The following ADAMTS17 variants were observed in gnomAD, a reference collection of about 807,000 sequenced individuals.
The protein encoded by ADAMTS17 is A disintegrin and metalloproteinase with thrombospondin motifs 17.
A neutral mutation model predicts 141.5 loss-of-function variants in ADAMTS17; 113 were observed. The ratio of observed to expected loss-of-function variants is 0.80; its 90% CI spans 0.69 to 0.93. The LOEUF is 0.93. Ranked by LOEUF, ADAMTS17 falls within the 40% of genes least tolerant of loss-of-function variation. The pLI is 0.00. For missense variants in ADAMTS17, 1,659 were observed against 1,517.9 expected (o/e 1.09, Z -1.54); for synonymous variants, 768 against 630.6 (o/e 1.22, Z -3.27).
At chr15:100,296,578 G>GT (rs1555504048) in intron 3 of ADAMTS17, among the ~76,000 whole-genome samples, 1,537 of 127,656 alleles carry the variant, frequency 0.012, 18 homozygotes, top group African/African-American at 0.038. Flanking sequence ...GGGGTGAGGG[G>GT]GGGTGTGTGT....
At chr15:100,255,617 A>AACACACACACACACACACAAACACAC in intron 6 of ADAMTS17, among the ~76,000 whole-genome samples, 1 of 140,296 alleles carries the variant, frequency 7.1e-6, no homozygotes, top group East Asian at 2.2e-4. Context: ...TGTTTTGAGC[A>AACACACACACACACACACAAACACAC]ACACACACAC....
chr15:100,156,285 C>T (rs1020744476), intron 8 of ADAMTS17, among the ~76,000 whole-genome samples: 1 of 152,302 alleles, frequency 6.6e-6, no homozygotes, highest in Admixed American at 6.5e-5. Context: ...CGTCAGCAAC[C>T]CTGCTTGTTG....
chr15:100,225,009 C>G (rs910541140), intron 7 of ADAMTS17, among the ~76,000 whole-genome samples: 4 of 152,226 alleles, frequency 2.6e-5, no homozygotes, highest in Non-Finnish European at 5.9e-5. Flanking sequence ...GGCTGCCTTG[C>G]TCATCACTGC....
Position 100,054,044 on chromosome 15 carries a change from G to A in ADAMTS17, c.2148C>T (p.Asp716=), listed in dbSNP as rs2032356999. ...FSHARGTALK[D]SGKGSINSDW... ...CACTGTTGATGGACCCCTTACCCGA[G>A]TCTTTGAGAGCTAGAAAGCAAGTTG... is the stretch of plus-strand genomic sequence containing the variant. The change falls in exon 16 of 22, where the codon GAC becomes GAT. Residue 716 remains aspartate (D), a synonymous_variant. Transcript: ENST00000268070. The A allele has an allele frequency of 1.9e-6, 3 of 1,614,074 alleles. No homozygotes were observed. The highest frequency in any genetic ancestry group is 2.7e-5 in the African/African-American group (2 of 74,922).
chr15:100,064,036 A>G (rs1417920914), intron 15 of ADAMTS17, among the ~76,000 whole-genome samples: 1 of 152,222 alleles, frequency 6.6e-6, no homozygotes, highest in African/African-American at 2.4e-5. Context: ...CCAGAACATC[A>G]GCATGTGACC....
chr15:100,208,325 C>CA (rs1258406499), intron 7 of ADAMTS17, among the ~76,000 whole-genome samples: 12 of 152,278 alleles, frequency 7.9e-5, no homozygotes, highest in Admixed American at 2.0e-4. Flanking sequence ...TTGACTCATT[C>CA]AAAAATCACA....
chr15:100,133,727 G>A (rs1385778448), intron 10 of ADAMTS17, among the ~76,000 whole-genome samples: 1 of 152,160 alleles, frequency 6.6e-6, no homozygotes, highest in Non-Finnish European at 1.5e-5. Context: ...CATCAGGGAG[G>A]GCTTGCTGGA....
At chr15:100,335,502 G>A (rs1242117778) in intron 2 of ADAMTS17, among the ~76,000 whole-genome samples, 2 of 152,204 alleles carry the variant, frequency 1.3e-5, no homozygotes, top group African/African-American at 4.8e-5. Flanking sequence ...GGCTGGGACT[G>A]CCTTCCCAGA....
At chr15:100,193,802 G>C (rs867506496) in intron 8 of ADAMTS17, among the ~76,000 whole-genome samples, 1 of 152,226 alleles carries the variant, frequency 6.6e-6, no homozygotes, top group African/African-American at 2.4e-5. Flanking sequence ...AGAATGGAAA[G>C]AGAATGGTTT....
At chr15:100,149,918 A>AC (rs2039083567) in intron 10 of ADAMTS17, among the ~76,000 whole-genome samples, 1 of 152,274 alleles carries the variant, frequency 6.6e-6, no homozygotes, top group Non-Finnish European at 1.5e-5. Context: ...ATTCCTCTAA[A>AC]GAAAGTGTCA....
At chr15:100,110,242 T>TATATATATAAATACATATATAC (rs1219013910) in intron 13 of ADAMTS17, among the ~76,000 whole-genome samples, 2 of 146,286 alleles carry the variant, frequency 1.4e-5, no homozygotes, top group African/African-American at 5.0e-5. Flanking sequence ...TATAAATATA[T>TATATATATAAATACATATATAC]ATATATATAA....
At chr15:100,212,738 A>C (rs1452579438) in intron 7 of ADAMTS17, among the ~76,000 whole-genome samples, 1 of 152,012 alleles carries the variant, frequency 6.6e-6, no homozygotes, top group Non-Finnish European at 1.5e-5. Flanking sequence ...TTTCGTTGCC[A>C]GATCTCAACT....
chr15:99,994,961 G>T (rs1022406772), intron 19 of ADAMTS17, among the ~76,000 whole-genome samples: 1 of 152,232 alleles, frequency 6.6e-6, no homozygotes, highest in Non-Finnish European at 1.5e-5. Flanking sequence ...ACATGCTTCA[G>T]AACTGGCTGC....
At chr15:100,110,276 T>G (rs556061823) in intron 13 of ADAMTS17, among the ~76,000 whole-genome samples, 103 of 82,300 alleles carry the variant, frequency 1.3e-3, no homozygotes, top group African/African-American at 3.2e-3. Flanking sequence ...TATATATATA[T>G]TTTTTTGAGA....
chr15:99,984,819 G>T (rs970436174), intron 20 of ADAMTS17, among the ~76,000 whole-genome samples: 1 of 152,230 alleles, frequency 6.6e-6, no homozygotes, highest in African/African-American at 2.4e-5. Flanking sequence ...CATGCAGGCA[G>T]TGATTAGAAC....
chr15:100,115,902 C>T (rs754987857), intron 13 of ADAMTS17, among the ~76,000 whole-genome samples: 20 of 152,324 alleles, frequency 1.3e-4, no homozygotes, highest in Non-Finnish European at 1.9e-4. Context: ...TGTGAGTCAA[C>T]TGCTCTGGAA....
In ADAMTS17 at chr15:100,097,939, A is replaced by T. The variant is rs2035863284; in HGVS notation, c.2017-1463T>A. Among the ~76,000 whole-genome samples, 3 of 152,354 alleles carry T rather than the reference A, an allele frequency of 2.0e-5. No individual in the cohort carries two copies. In the South Asian group the frequency reaches 6.2e-4, roughly 32 times the overall value. ...TGTTCTGTCCAAAAATGATAGCATAACTGGACAGATTCCAGAGAAGACTTT... is the reference window on the plus strand; with the variant it reads ...TGTTCTGTCCAAAAATGATAGCATATCTGGACAGATTCCAGAGAAGACTTT... On this transcript the variant is annotated intron_variant, in intron 14 of 21. Coordinates refer to ENST00000268070, the MANE Select transcript of ADAMTS17 (RefSeq NM_139057.4).
rs1187593257 is a variant in ADAMTS17 at position 99,973,161 on chromosome 15, G to A, written c.*1241C>T. 1.1e-5 allele frequency: 1 copy of A among 88,682 alleles called. No individual in the cohort carries two copies. The highest frequency in any genetic ancestry group is 3.3e-4 in the South Asian group (1 of 3,030). The allele number at this position is 88,682 out of a possible 1,614,324, so 5.5% of individuals were successfully genotyped here. On this transcript the variant is annotated 3_prime_UTR_variant, in exon 22 of 22. Coordinates refer to ENST00000268070, the MANE Select transcript of ADAMTS17 (RefSeq NM_139057.4). Reference sequence around the variant, plus strand: ...GCCAGGCGTAAGGGGGCTGCAGGGGGGAAGGACCTTCCTTCATCATGCATC... The same window carrying A: ...GCCAGGCGTAAGGGGGCTGCAGGGGAGAAGGACCTTCCTTCATCATGCATC...
intron 5 of ADAMTS17, 118 bp downstream of exon 5, chr15:100,262,234 A>G: frequency 1.1e-6 from 1 of 907,186 alleles, no homozygotes; most frequent in South Asian, 1.5e-5. Flanking sequence ...TGGCAAAGCC[A>G]CAGAGAGTGA....
Sources: gnomAD v4.1 joint callset for allele counts (sites outside exome capture counted in the v4.1 genomes callset) on GRCh38, gnomAD v4.1.1 for gene constraint, MANE v1.5 for transcripts, NCBI Gene and HGNC (gene_info 2026-07-23, HGNC 2026-07-21) for gene names.